FOXN3: variants seen among roughly 807,000 people sequenced by gnomAD.
The protein encoded by FOXN3 is forkhead box N3, also known as forkhead box protein N3.
A neutral mutation model predicts 38.4 loss-of-function variants in FOXN3; 7 were observed. The observed-to-expected ratio is 0.18, with a 90% CI of 0.10 to 0.34. The LOEUF is 0.34. Among genes scored for constraint, FOXN3 ranks in the 10% least tolerant of loss-of-function variants. The probability of loss-of-function intolerance (pLI) is 1.00; values close to 1 mark genes in which losing one functional copy is unlikely to be tolerated. For missense variants in FOXN3, 456 were observed against 613.4 expected (o/e 0.74, Z 2.71); for synonymous variants, 230 against 242.2 (o/e 0.95, Z 0.47).
At chr14:89,483,003 T>TAGATCAC (rs1370429892) in intron 1 of FOXN3, among the ~76,000 whole-genome samples, 1 of 148,964 alleles carries the variant, frequency 6.7e-6, no homozygotes, top group Non-Finnish European at 1.5e-5. Flanking sequence ...AGGCCAGGAG[T>TAGATCAC]TCAAGACCAG....
At chr14:89,583,707 G>A (rs1313003767) in intron 1 of FOXN3, among the ~76,000 whole-genome samples, 1 of 152,054 alleles carries the variant, frequency 6.6e-6, no homozygotes, top group Non-Finnish European at 1.5e-5. Flanking sequence ...TTACAGGCGT[G>A]TGCCACCACA....
intron 1 of FOXN3, among the ~76,000 whole-genome samples, chr14:89,511,362 T>C (rs1288241326): frequency 6.7e-6 from 1 of 150,148 alleles, no homozygotes; most frequent in Non-Finnish European, 1.5e-5. Context: ...GGTATAATCA[T>C]GGCTCACTGC....
At chr14:89,282,318 G>A (rs1188781003) in intron 3 of FOXN3, among the ~76,000 whole-genome samples, 3 of 152,144 alleles carry the variant, frequency 2.0e-5, no homozygotes, top group East Asian at 1.9e-4. Flanking sequence ...AAAATTAAAT[G>A]AGCATCACGC....
chr14:89,404,605 G>C (rs1891341204), intron 2 of FOXN3, among the ~76,000 whole-genome samples: 1 of 151,552 alleles, frequency 6.6e-6, no homozygotes. Context: ...CTATTCCAGG[G>C]CCTGTGACAA....
chr14:89,190,601 A>G (rs185311395), intron 4 of FOXN3: 87 of 594,962 alleles, frequency 1.5e-4, no homozygotes. Context: ...CTTTCTTCCC[A>G]GTGGGATTTG....
intron 1 of FOXN3, among the ~76,000 whole-genome samples, chr14:89,542,468 C>CA (rs1289704230): frequency 6.6e-6 from 1 of 152,232 alleles, no homozygotes; most frequent in African/African-American, 2.4e-5. Context: ...ACGCCTCTGA[C>CA]AGACTTTTCA....
At chr14:89,411,847 G>T in intron 2 of FOXN3, 87 bp downstream of exon 2, 1 of 847,944 alleles carries the variant, frequency 1.2e-6, no homozygotes, top group Non-Finnish European at 1.7e-6. Flanking sequence ...ACTTCAATGT[G>T]GTGAATAGAA....
chr14:89,206,072 T>A (rs192781819), intron 4 of FOXN3, among the ~76,000 whole-genome samples: 78 of 152,360 alleles, frequency 5.1e-4, no homozygotes, highest in Non-Finnish European at 6.5e-4. Context: ...AGACGCGGAA[T>A]CTGCTGGCAC....
intron 1 of FOXN3, among the ~76,000 whole-genome samples, chr14:89,511,113 C>T (rs1387853900): frequency 6.7e-6 from 1 of 149,488 alleles, no homozygotes; most frequent in East Asian, 2.0e-4. Flanking sequence ...CTCAAAAGAC[C>T]TGCTTGGTGT....
intron 1 of FOXN3, among the ~76,000 whole-genome samples, chr14:89,451,971 G>C (rs903622717): frequency 1.3e-5 from 2 of 152,066 alleles, no homozygotes; most frequent in African/African-American, 4.8e-5. Flanking sequence ...CCTCAGGAGA[G>C]GACCACATCC....
chr14:89,487,968 C>T (rs185069299), intron 1 of FOXN3, among the ~76,000 whole-genome samples: 1 of 152,156 alleles, frequency 6.6e-6, no homozygotes, highest in East Asian at 1.9e-4. Flanking sequence ...GGTTGGAAAG[C>T]GTGAGGGCTA....
chr14:89,452,200 C>T (rs561776931), intron 1 of FOXN3, among the ~76,000 whole-genome samples: 2 of 152,146 alleles, frequency 1.3e-5, no homozygotes, highest in Admixed American at 6.5e-5. Context: ...GTGTATCCTA[C>T]GGGGCAGAAG....
intron 1 of FOXN3, among the ~76,000 whole-genome samples, chr14:89,603,141 C>T (rs1199875107): frequency 6.6e-6 from 1 of 152,156 alleles, no homozygotes; most frequent in Non-Finnish European, 1.5e-5. Flanking sequence ...CAAATTGAGC[C>T]ACATCTGGGC....
At chr14:89,611,917 G>A (rs570828171) in intron 1 of FOXN3, among the ~76,000 whole-genome samples, 1 of 151,986 alleles carries the variant, frequency 6.6e-6, no homozygotes. Context: ...TCCTATTTCC[G>A]GTGGGAATTA....
chr14:89,581,354 T>C (rs990977676), intron 1 of FOXN3, among the ~76,000 whole-genome samples: 1 of 151,918 alleles, frequency 6.6e-6, no homozygotes, highest in Non-Finnish European at 1.5e-5. Context: ...CGGTGGTGTG[T>C]GCCGGTAATC....
intron 4 of FOXN3, among the ~76,000 whole-genome samples, chr14:89,228,950 C>A (rs934498630): frequency 6.6e-6 from 1 of 152,112 alleles, no homozygotes; most frequent in Non-Finnish European, 1.5e-5. Context: ...TGTTGCTTCC[C>A]CTCCCGCCTC....
At chr14:89,434,922 A>C (rs1892244038) in intron 1 of FOXN3, among the ~76,000 whole-genome samples, 1 of 152,228 alleles carries the variant, frequency 6.6e-6, no homozygotes, top group Non-Finnish European at 1.5e-5. Flanking sequence ...ACTACTTTCC[A>C]AAAGCTGTAT....
rs61475368 is a variant in FOXN3, at chr14:89,555,883, G to GT, written c.-15+63144_-15+63145insA. On this transcript the variant is annotated intron_variant, in intron 1 of 6. Coordinates refer to the FOXN3 transcript ENST00000345097. ...TGTGTGTGTGTGTGTGTGTATGTGGGGGTGTATGTGGGGGTGTGTGTGTTG... is the reference window on the plus strand; with the variant it reads ...TGTGTGTGTGTGTGTGTGTATGTGGGTGGTGTATGTGGGGGTGTGTGTGTTG... Among the ~76,000 whole-genome samples, 2 of 120,170 alleles carry GT rather than the reference G, an allele frequency of 1.7e-5. 1 individual carries two copies. The highest frequency in any genetic ancestry group is 3.9e-5 in the Non-Finnish European group (2 of 51,584). The allele number at this position is 120,170 out of a possible 152,430, so 78.8% of individuals were successfully genotyped here.
At position 89,315,525 on chromosome 14, in the gene FOXN3, G is replaced by A. The variant is rs1161942402; in HGVS notation, c.681-34511C>T. Among the ~76,000 whole-genome samples the A allele has an allele frequency of 2.6e-5, 4 of 151,948 alleles. No homozygotes were observed. The East Asian group carries it at 5.8e-4, about 22-fold the overall frequency. On this transcript the variant is annotated intron_variant, in intron 3 of 5. Coordinates refer to ENST00000557258, the MANE Select transcript of FOXN3 (RefSeq NM_005197.4). ...ATGTCTTTGATTCTCCCCCTTCCCCGAACTCTCCTCCATGGCTTTGCTGTC... is the reference window on the plus strand; with the variant it reads ...ATGTCTTTGATTCTCCCCCTTCCCCAAACTCTCCTCCATGGCTTTGCTGTC...
Sources: allele counts gnomAD v4.1 joint callset (sites outside exome capture counted in the v4.1 genomes callset), GRCh38; gene constraint gnomAD v4.1.1; transcripts MANE v1.5; gene names NCBI Gene and HGNC (gene_info 2026-07-23, HGNC 2026-07-21).